The following RBFOX3 variants were observed in gnomAD, a reference collection of about 807,000 sequenced individuals.
RBFOX3 encodes RNA binding fox-1 homolog 3.
Under a neutral mutation model 48.7 loss-of-function variants are expected in RBFOX3, and 17 were observed. That is an observed-to-expected ratio of 0.35 (90% confidence interval 0.24 to 0.52). The LOEUF (loss-of-function observed/expected upper bound fraction) is 0.52, where lower values mean the gene tolerates loss of function less well. RBFOX3 is among the 20% of genes least tolerant of loss of function. The pLI is 0.94. For synonymous variants in RBFOX3, 212 were observed against 209.5 expected, an observed-to-expected ratio of 1.01 and a Z score of -0.10; for missense variants, 382 against 497.5, an observed-to-expected ratio of 0.77 and a Z score of 2.21.
rs1555722655 is a variant in RBFOX3, at chr17:79,421,964, G to C, written c.-175+60490C>G. On this transcript the variant is annotated intron_variant, in intron 2 of 14. Coordinates refer to ENST00000693108, the MANE Select transcript of RBFOX3 (RefSeq NM_001350451.2). This position sits in a 1 kb window ranked among gnomAD's most constrained non-coding sequence, Gnocchi z 4.5. ...CTCAGCAGCTCCCAACAGAATTCTA[G>C]GTGCTGCCCGGACGAGATGAGGAGG... 1.3e-5 allele frequency among the ~76,000 whole-genome samples: 2 copies of C among 152,090 alleles called. No individual in the cohort carries two copies. The highest frequency in any genetic ancestry group is 4.8e-5 in the African/African-American group (2 of 41,408).
intron 4 of RBFOX3, among the ~76,000 whole-genome samples, chr17:79,170,125 A>AG (rs1442788069): frequency 5.5e-5 from 8 of 144,458 alleles, no homozygotes; most frequent in African/African-American, 1.1e-4. Flanking sequence ...GAAGGAAGGA[A>AG]GGAAGGAGGA....
At chr17:79,120,582 G>A (rs1296728272) in intron 4 of RBFOX3, among the ~76,000 whole-genome samples, 5 of 151,432 alleles carry the variant, frequency 3.3e-5, no homozygotes, top group Non-Finnish European at 5.9e-5. Flanking sequence ...TGGGAGGGTG[G>A]ATAAATGAGT....
intron 3 of RBFOX3, among the ~76,000 whole-genome samples, chr17:79,261,743 G>A (rs1285256733): frequency 6.6e-6 from 1 of 152,218 alleles, no homozygotes; most frequent in Non-Finnish European, 1.5e-5. Flanking sequence ...GTCGCCACGG[G>A]GACCTTGGTG....
chr17:79,335,353 A>T (rs1350777683), intron 2 of RBFOX3, among the ~76,000 whole-genome samples: 1 of 152,236 alleles, frequency 6.6e-6, no homozygotes, highest in African/African-American at 2.4e-5. Context: ...TGAGAAATGA[A>T]ACATCATGTA....
intron 4 of RBFOX3, among the ~76,000 whole-genome samples, chr17:79,173,481 A>G (rs2049833215): frequency 6.6e-6 from 1 of 152,058 alleles, no homozygotes; most frequent in Non-Finnish European, 1.5e-5. Flanking sequence ...CCTGGTGGGG[A>G]GGGCCTATTC....
intron 2 of RBFOX3, among the ~76,000 whole-genome samples, chr17:79,459,121 G>A (rs1247765178): frequency 6.6e-6 from 1 of 152,182 alleles, no homozygotes; most frequent in Non-Finnish European, 1.5e-5. Context: ...GCACTCCACA[G>A]CCTGCTGCTC....
chr17:79,216,000 G>A (rs181627042), intron 4 of RBFOX3, among the ~76,000 whole-genome samples: 183 of 152,364 alleles, frequency 1.2e-3, no homozygotes, highest in Middle Eastern at 3.4e-3. Flanking sequence ...ACGCAGGGCT[G>A]GAGCTGATGG....
intron 4 of RBFOX3, among the ~76,000 whole-genome samples, chr17:79,201,139 C>T (rs1257839814): frequency 2.6e-5 from 4 of 151,652 alleles, no homozygotes; most frequent in African/African-American, 7.3e-5. Context: ...TCAGATCATC[C>T]GGATCCGATG....
At chr17:79,329,037 C>A (rs2079788670) in intron 2 of RBFOX3, among the ~76,000 whole-genome samples, 1 of 152,038 alleles carries the variant, frequency 6.6e-6, no homozygotes, top group Non-Finnish European at 1.5e-5. Context: ...CAAGAAAGGA[C>A]CCACGTGGCC....
rs1181920845 is a variant in RBFOX3, at chr17:79,198,316, A to C, written c.-34+37450T>G. Reference sequence around the variant, plus strand: ...CCACATGAGGCGACCTTGCAGGCACAGGTGCGGACAGGAAGGAGAGCCTGC... The same window carrying C: ...CCACATGAGGCGACCTTGCAGGCACCGGTGCGGACAGGAAGGAGAGCCTGC... On this transcript the variant is annotated intron_variant, in intron 4 of 14. Transcript: ENST00000693108. The surrounding 1 kb of genome is among the most constrained non-coding windows in gnomAD (Gnocchi z 8.2). 6.6e-6 allele frequency among the ~76,000 whole-genome samples: 1 copy of C among 152,210 alleles called. No individual in the cohort carries two copies. Among genetic ancestry groups the C allele is most frequent in the African/African-American group, 2.4e-5 (1 of 41,452 alleles).
intron 4 of RBFOX3, among the ~76,000 whole-genome samples, chr17:79,228,404 G>A (rs948960840): frequency 8.5e-5 from 13 of 152,214 alleles, no homozygotes; most frequent in African/African-American, 2.4e-5. Flanking sequence ...CTCTCCAGCT[G>A]TAATTAATAC....
At chr17:79,284,924 G>A (rs1413052781) in intron 3 of RBFOX3, among the ~76,000 whole-genome samples, 1 of 152,106 alleles carries the variant, frequency 6.6e-6, no homozygotes, top group Non-Finnish European at 1.5e-5. Context: ...TCATCCTCTG[G>A]CCCTGGTGTT....
chr17:79,449,275 A>G (rs1286958979), intron 2 of RBFOX3, among the ~76,000 whole-genome samples: 1 of 151,814 alleles, frequency 6.6e-6, no homozygotes, highest in African/African-American at 2.4e-5. Flanking sequence ...GAGGCCTGTC[A>G]CTCACCTCTC....
chr17:79,193,631 A>G (rs2054964910), intron 4 of RBFOX3, among the ~76,000 whole-genome samples: 1 of 152,322 alleles, frequency 6.6e-6, no homozygotes, highest in African/African-American at 2.4e-5. Context: ...GGAATTCTAT[A>G]TGGCAATTAC....
At chr17:79,298,212 T>C (rs1232158264) in intron 3 of RBFOX3, 2 of 152,232 alleles carry the variant, frequency 1.3e-5, no homozygotes, top group African/African-American at 4.8e-5. Context: ...CTGCATTTAA[T>C]GGGCAGTTTA....
At chr17:79,308,481 G>A (rs2145606625) in intron 2 of RBFOX3, among the ~76,000 whole-genome samples, 1 of 152,320 alleles carries the variant, frequency 6.6e-6, no homozygotes, top group Non-Finnish European at 1.5e-5. Flanking sequence ...CTCCCTGCTA[G>A]ACACTGGGTG....
At chr17:79,618,464 TC>T in the RBFOX3 span, among the ~76,000 whole-genome samples, 1 of 152,140 alleles carries the variant, frequency 6.6e-6, no homozygotes, top group Non-Finnish European at 1.5e-5. Flanking sequence ...CAGAATAGTG[TC>T]AGATTGCTAG....
intron 1 of RBFOX3, among the ~76,000 whole-genome samples, chr17:79,500,075 C>G (rs1415252911): frequency 6.6e-6 from 1 of 152,056 alleles, no homozygotes; most frequent in African/African-American, 2.4e-5. Flanking sequence ...TCTGTCATTG[C>G]CATGGTTGGC....
chr17:79,139,594 C>A (rs1414029095), intron 4 of RBFOX3, among the ~76,000 whole-genome samples: 1 of 152,208 alleles, frequency 6.6e-6, no homozygotes, highest in African/African-American at 2.4e-5. Context: ...AGCTCCAGAG[C>A]CAGGGAGGAG....
Sources: gnomAD v4.1 joint callset for allele counts (sites outside exome capture counted in the v4.1 genomes callset) on GRCh38, gnomAD v4.1.1 for gene constraint, Gnocchi (gnomAD v3.1) non-coding constraint, MANE v1.5 for transcripts, NCBI Gene and HGNC (gene_info 2026-07-23, HGNC 2026-07-21) for gene names.